The following DNM2 variants were observed in gnomAD, a reference collection of about 807,000 sequenced individuals.
The protein encoded by DNM2 is dynamin 2, also known as dynamin-2.
DNM2 carries 15 observed loss-of-function variants against 99.0 expected under a neutral mutation model. The ratio of observed to expected loss-of-function variants is 0.15; its 90% CI spans 0.10 to 0.23. The LOEUF (loss-of-function observed/expected upper bound fraction) is 0.23. Among genes scored for constraint, DNM2 ranks in the 10% least tolerant of loss-of-function variants. DNM2 has a pLI of 1.00. For synonymous variants in DNM2, 525 were observed against 481.2 expected, an observed-to-expected ratio of 1.09 and a Z score of -1.19; for missense variants, 742 against 1,189.4, an observed-to-expected ratio of 0.62 and a Z score of 5.53.
At chr19:10,782,520 G>A (rs1011139386) in intron 5 of DNM2, among the ~76,000 whole-genome samples, 5 of 151,878 alleles carry the variant, frequency 3.3e-5, no homozygotes, top group African/African-American at 1.2e-4. Flanking sequence ...CACCATGCAC[G>A]GCTAATTTTT....
chr19:10,793,116 T>C lies in DNM2; in HGVS notation c.993-604T>C, dbSNP rs769148417. Among the ~76,000 whole-genome samples the C allele has an allele frequency of 6.4e-4, 98 of 152,306 alleles. 2 individuals carry two copies. Among genetic ancestry groups the C allele is most frequent in the Middle Eastern group, 3.4e-3 (1 of 294 alleles). Reference sequence around the variant, plus strand: ...CATTAGTGGCAGCATTTTTTCTTTTTTTGTGGGCACACAAAATAACAGTGC... The same window carrying C: ...CATTAGTGGCAGCATTTTTTCTTTTCTTGTGGGCACACAAAATAACAGTGC... On this transcript the variant is annotated intron_variant, in intron 7 of 20. Transcript: ENST00000389253.
chr19:10,783,347 G>T (rs920837275), intron 6 of DNM2, among the ~76,000 whole-genome samples: 1 of 152,182 alleles, frequency 6.6e-6, no homozygotes, highest in Admixed American at 6.5e-5. Context: ...CATGCCTGTA[G>T]TCCCAGGTAC....
chr19:10,806,013 G>C, intron 13 of DNM2, 46 bp downstream of exon 13: 1 of 1,613,186 alleles, frequency 6.2e-7, no homozygotes, highest in Non-Finnish European at 8.5e-7. Flanking sequence ...GGGGGCGGGA[G>C]GACGCTAAGT....
rs890297188 is a variant in DNM2 at position 10,718,250 on chromosome 19, A to G, written c.8A>G (p.Asn3Ser). Reference sequence around the variant, plus strand: ...CCGGGGGCCGCCGGCGCCATGGGCAACCGCGGGATGGAAGAGCTGATCCCG... The same window carrying G: ...CCGGGGGCCGCCGGCGCCATGGGCAGCCGCGGGATGGAAGAGCTGATCCCG... MGNRGMEELIPLV... is the reference protein window; with the variant it reads MGSRGMEELIPLV... Residue 3 changes from asparagine (N) to serine (S), a missense_variant, in exon 1 of 21, where the codon AAC (asparagine) becomes AGC (serine). Physicochemically the swap from Asn to Ser is conservative, Grantham distance 46. Around this residue, in one of 7 missense-constraint regions of DNM2, gnomAD observed 52 missense variants for 46.1 expected, o/e 1.13. Transcript: ENST00000389253. The G allele has an allele frequency of 1.4e-5, 21 of 1,480,960 alleles. No homozygotes were observed. The highest frequency in any genetic ancestry group is 5.9e-5 in the African/African-American group (4 of 68,210). The allele number at this position is 1,480,960 out of a possible 1,614,324, so 91.7% of individuals were successfully genotyped here.
chr19:10,795,311 A>T lies in DNM2; in HGVS notation c.1129-61A>T. On this transcript the variant is annotated intron_variant, in intron 8 of 20. Coordinates refer to ENST00000389253, the MANE Select transcript of DNM2 (RefSeq NM_001005361.3). This position sits in a 1 kb window ranked among gnomAD's most constrained non-coding sequence, Gnocchi z 4.2. ...GTGGGAGAGAACGTTCCCCAGATGC[A>T]CGCCTGCCACGGGGGCGCCCCGGGT... 1.3e-6 allele frequency: 2 copies of T among 1,539,204 alleles called. No homozygotes were observed. The highest frequency in any genetic ancestry group is 1.8e-6 in the Non-Finnish European group (2 of 1,112,226).
At chr19:10,794,440 A>G (rs1339176366) in intron 8 of DNM2, among the ~76,000 whole-genome samples, 1 of 151,670 alleles carries the variant, frequency 6.6e-6, no homozygotes, top group Non-Finnish European at 1.5e-5. Flanking sequence ...TAAAAAAACA[A>G]ACAGTTTTTT....
rs1488935368 is a variant in DNM2, at chr19:10,829,050, C to G, written c.2073C>G (p.Ile691Met). The G allele has an allele frequency of 3.7e-6, 6 of 1,613,144 alleles. No individual in the cohort carries two copies. The highest frequency in any genetic ancestry group is 5.1e-6 in the Non-Finnish European group (6 of 1,179,808). Residue 691 changes from isoleucine to methionine, a missense_variant, in exon 19 of 21, where the codon ATC becomes ATG. Around this residue, in one of 7 missense-constraint regions of DNM2, gnomAD observed 240 missense variants for 431.3 expected, o/e 0.56. Transcript: ENST00000389253. The part of the protein sequence containing the change: ...HLMINNTKAF[I>M]HHELLAYLYS... The stretch of plus-strand genomic sequence containing the variant: ...CCTGCCCGCAGACGAAGGCCTTCAT[C>G]CACCACGAGCTGCTGGCCTACCTAT...
intron 5 of DNM2, chr19:10,780,310 C>G (rs532933166): frequency 6.5e-6 from 1 of 153,138 alleles, no homozygotes; most frequent in South Asian, 2.1e-4. Flanking sequence ...GCAGACCCTA[C>G]CCAACCCCAC....
intron 1 of DNM2, among the ~76,000 whole-genome samples, chr19:10,749,484 G>T (rs985264277): frequency 6.6e-5 from 10 of 152,220 alleles, no homozygotes; most frequent in Non-Finnish European, 1.5e-4. Flanking sequence ...CTGCTCTGGT[G>T]GGGTGAAGTG....
At chr19:10,797,947 G>T (rs76186695) in intron 10 of DNM2, among the ~76,000 whole-genome samples, 20,962 of 152,130 alleles carry the variant, frequency 0.14, 1,812 homozygotes, top group Middle Eastern at 0.22. Context: ...GGACTCCCCT[G>T]TGCATGAGGT....
chr19:10,785,242 C>T (rs1045141774), intron 6 of DNM2, among the ~76,000 whole-genome samples: 40 of 152,064 alleles, frequency 2.6e-4, no homozygotes, highest in Non-Finnish European at 5.1e-4. Context: ...CTCAGCCTCC[C>T]GAGTAGCTGG....
intron 17 of DNM2, 189 bp from the exon 18 acceptor site, chr19:10,824,868 T>A (rs1388435177): frequency 3.6e-5 from 29 of 799,668 alleles, no homozygotes; most frequent in Non-Finnish European, 5.8e-5. Context: ...CACCCCAGCA[T>A]CAGCCAGGGT....
intron 1 of DNM2, among the ~76,000 whole-genome samples, chr19:10,735,889 G>A (rs1454802616): frequency 6.6e-6 from 1 of 152,114 alleles, no homozygotes; most frequent in South Asian, 2.1e-4. Flanking sequence ...CCATATTTGT[G>A]TGGGTCCAAC....
Position 10,795,777 on chromosome 19 carries a change from G to A in DNM2, c.1196+338G>A. On this transcript the variant is annotated intron_variant, in intron 9 of 20. Transcript: ENST00000389253. The surrounding 1 kb of genome is among the most constrained non-coding windows in gnomAD (Gnocchi z 4.2). ...AGGGGCGGGGCGGCACTGAATCAGG[G>A]TTTTGGGAAGCCAGCATGAGTCCCC... The A allele has an allele frequency of 1.7e-6, 1 of 590,056 alleles. No individual in the cohort carries two copies. Among genetic ancestry groups the A allele is most frequent in the Admixed American group, 3.0e-5 (1 of 33,726 alleles). The allele number at this position is 590,056 out of a possible 1,614,324, so 36.6% of individuals were successfully genotyped here. A position where few individuals can be genotyped will look rare whatever the true frequency, so the allele number is the denominator to read the frequency against.
At chr19:10,814,683 TA>T (rs376169913) in intron 15 of DNM2, among the ~76,000 whole-genome samples, 53 of 151,390 alleles carry the variant, frequency 3.5e-4, no homozygotes, top group Middle Eastern at 3.4e-3. Flanking sequence ...TTCTACCTTT[TA>T]TTTTTTTAGC....
At chr19:10,792,693 C>T (rs1252274911) in intron 7 of DNM2, among the ~76,000 whole-genome samples, 8 of 151,906 alleles carry the variant, frequency 5.3e-5, no homozygotes, top group South Asian at 2.1e-4. Flanking sequence ...CTGCAGCCTC[C>T]GCCACCCAGA....
Position 10,756,795 on chromosome 19 carries a change from T to A in DNM2, c.162-2943T>A, listed in dbSNP as rs77118196. Among the ~76,000 whole-genome samples the A allele has an allele frequency of 8.5e-4, 129 of 152,090 alleles. 1 individual carries two copies. In the East Asian group the frequency reaches 0.025, roughly 29 times the overall value. ...CCGGCCTGCCCTCAGGTTGTGACCATCCACCTCCCAAACTGCCCTGGAATC... is the reference window on the plus strand; with the variant it reads ...CCGGCCTGCCCTCAGGTTGTGACCAACCACCTCCCAAACTGCCCTGGAATC... On this transcript the variant is annotated intron_variant, in intron 1 of 20. Transcript: ENST00000389253.
At chr19:10,724,237 A>C (rs113942899) in intron 1 of DNM2, among the ~76,000 whole-genome samples, 3 of 152,042 alleles carry the variant, frequency 2.0e-5, no homozygotes, top group African/African-American at 4.8e-5. Flanking sequence ...GAGTGCAGTC[A>C]CGCGATCTCG....
At chr19:10,766,887 C>T (rs1303734906) in intron 2 of DNM2, among the ~76,000 whole-genome samples, 1 of 152,170 alleles carries the variant, frequency 6.6e-6, no homozygotes, top group South Asian at 2.1e-4. Flanking sequence ...GATCACATGC[C>T]AGCTGCGAAC....
Sources: gnomAD v4.1 joint callset for allele counts (sites outside exome capture counted in the v4.1 genomes callset) on GRCh38, gnomAD v4.1.1 for gene constraint, gnomAD v4.1.1 regional missense constraint, Gnocchi (gnomAD v3.1) non-coding constraint, MANE v1.5 for transcripts, NCBI Gene and HGNC (gene_info 2026-07-23, HGNC 2026-07-21) for gene names.